WDR64: variants seen among roughly 807,000 people sequenced by gnomAD.
The protein encoded by WDR64 is WD repeat-containing protein 64.
In WDR64, 112 loss-of-function variants were observed where a neutral mutation model predicts 139.3. The observed-to-expected ratio is 0.80, with a 90% CI of 0.69 to 0.94. The LOEUF is 0.94. Ranked by LOEUF, WDR64 falls within the 40% of genes least tolerant of loss-of-function variation. The pLI is 0.00. For synonymous variants in WDR64, 444 were observed against 437.7 expected, an observed-to-expected ratio of 1.01 and a Z score of -0.18; for missense variants, 1,206 against 1,293.1, an observed-to-expected ratio of 0.93 and a Z score of 1.03.
chr1:241,775,118 A>G lies in WDR64; in HGVS notation c.2444A>G (p.Lys815Arg). The G allele has an allele frequency of 6.4e-7, 1 of 1,550,762 alleles. No individual in the cohort carries two copies. Among genetic ancestry groups the G allele is most frequent in the Non-Finnish European group, 8.7e-7 (1 of 1,146,754 alleles). The change falls in exon 21 of 28, where the codon AAA becomes AGA. Residue 815 changes from lysine to arginine, a missense_variant. Lys to Arg is a conservative substitution (Grantham distance 26). Coordinates refer to ENST00000437684, the MANE Select transcript of WDR64 (RefSeq NM_001367482.1). ...TACTTTATTTAGGGAAGACTACTGA[A>G]AGATATGCTACCTTTCACAAAACAT... ...RLWTLEGRLL[K>R]DMLPFTKHSA...
chr1:241,770,661 GA>G lies in WDR64; in HGVS notation c.2226del (p.Glu742AspfsTer28), dbSNP rs867587946. On this transcript the variant is annotated frameshift_variant, in exon 18 of 28. Coordinates refer to ENST00000437684, the MANE Select transcript of WDR64 (RefSeq NM_001367482.1). LOFTEE classifies it high-confidence loss of function. ...TTCCATATGTTCTTCATCCCAGTGT[GA>G]ATCCAGCAAAGGTCCACAGAGCAGT... ...QDSICSSSQC[E>X]SSKGPQSSKG... 14 of 1,551,306 alleles carry G rather than the reference GA, an allele frequency of 9.0e-6. No homozygotes were observed. Among genetic ancestry groups the G allele is most frequent in the Non-Finnish European group, 1.1e-5 (13 of 1,146,844 alleles).
intron 23 of WDR64, among the ~76,000 whole-genome samples, chr1:241,787,208 A>G (rs1470377094): frequency 3.3e-5 from 5 of 151,508 alleles, no homozygotes; most frequent in Non-Finnish European, 5.9e-5. Context: ...CAAAAAAAAA[A>G]AAAAAAGTAG....
chr1:241,734,671 T>G (rs182755426), intron 10 of WDR64, among the ~76,000 whole-genome samples: 51 of 152,068 alleles, frequency 3.4e-4, no homozygotes, highest in African/African-American at 1.2e-3. Context: ...TCAAATAGGC[T>G]GTGGTTCTTC....
chr1:241,688,233 T>A (rs755095543), intron 8 of WDR64, among the ~76,000 whole-genome samples: 25 of 152,160 alleles, frequency 1.6e-4, no homozygotes, highest in Non-Finnish European at 8.8e-5. Context: ...AAAGGGCACA[T>A]TTATAGACAC....
intron 2 of WDR64, among the ~76,000 whole-genome samples, chr1:241,663,164 C>T (rs1665896513): frequency 6.6e-6 from 1 of 152,120 alleles, no homozygotes; most frequent in Non-Finnish European, 1.5e-5. Context: ...TGGGATAACT[C>T]TATTGAAAAA....
intron 10 of WDR64, among the ~76,000 whole-genome samples, 162 bp downstream of exon 10, chr1:241,723,598 CTCTT>C (rs1352592879): frequency 6.6e-6 from 1 of 152,138 alleles, no homozygotes; most frequent in African/African-American, 2.4e-5. Flanking sequence ...CCAATGTTCT[CTCTT>C]TCTATTGATT....
At chr1:241,751,005 CTTT>C (rs1420501861) in intron 14 of WDR64, among the ~76,000 whole-genome samples, 2 of 151,956 alleles carry the variant, frequency 1.3e-5, no homozygotes, top group African/African-American at 2.4e-5. Flanking sequence ...CTATTATTTA[CTTT>C]ATTATTATAT....
At chr1:241,679,826 GA>G (rs1666707921) in intron 6 of WDR64, among the ~76,000 whole-genome samples, 2 of 152,298 alleles carry the variant, frequency 1.3e-5, no homozygotes, top group South Asian at 4.1e-4. Context: ...GTTTTTGAGA[GA>G]GGGGGTAATT....
intron 10 of WDR64, among the ~76,000 whole-genome samples, chr1:241,727,062 T>C (rs1668873429): frequency 6.6e-6 from 1 of 152,152 alleles, no homozygotes; most frequent in Admixed American, 6.5e-5. Flanking sequence ...CATTTTTGTA[T>C]TTTTAGTAGA....
chr1:241,731,737 C>G (rs1013668738), intron 10 of WDR64, among the ~76,000 whole-genome samples: 1 of 152,100 alleles, frequency 6.6e-6, no homozygotes, highest in Non-Finnish European at 1.5e-5. Flanking sequence ...TAAAGACATG[C>G]TGGATGTCTT....
At chr1:241,727,227 T>C (rs12755461) in intron 10 of WDR64, among the ~76,000 whole-genome samples, 37,230 of 152,034 alleles carry the variant, frequency 0.24, 4,721 homozygotes, top group East Asian at 0.28. Context: ...GGAAAGACAG[T>C]GAAGGTTTTG....
At chr1:241,749,299 G>C (rs1669890399) in intron 13 of WDR64, among the ~76,000 whole-genome samples, 1 of 152,176 alleles carries the variant, frequency 6.6e-6, no homozygotes, top group African/African-American at 2.4e-5. Context: ...GAGAGCCTGA[G>C]GGTAGATTTC....
Position 241,771,899 on chromosome 1 carries a change from T to C in WDR64, c.2290+202T>C, listed in dbSNP as rs1056423083. Among the ~76,000 whole-genome samples, 10 of 141,312 alleles carry C rather than the reference T, an allele frequency of 7.1e-5. No individual in the cohort carries two copies. The East Asian group carries it at 2.1e-3, about 30-fold the overall frequency. 92.7% of individuals were successfully genotyped at this position (141,312 alleles called of 152,430 possible). A position where few individuals can be genotyped will look rare whatever the true frequency, so the allele number is the denominator to read the frequency against. On this transcript the variant is annotated intron_variant, in intron 19 of 27. Transcript: ENST00000437684. ...ACCCACACACATATACATATATACA[T>C]ACATACACACATATACATATATACA...
At chr1:241,766,562 G>A (rs1197644090) in intron 16 of WDR64, among the ~76,000 whole-genome samples, 2 of 152,154 alleles carry the variant, frequency 1.3e-5, no homozygotes, top group African/African-American at 2.4e-5. Context: ...GTAGCAGGGC[G>A]CAGTGGCGCC....
chr1:241,770,365 G>A (rs1658381935), intron 17 of WDR64: 1 of 364,446 alleles, frequency 2.7e-6, no homozygotes, highest in East Asian at 4.7e-5. Flanking sequence ...TTTGCAGTGG[G>A]ATAGGCAAGA....
At chr1:241,773,228 T>C (rs1356487033) in intron 20 of WDR64, among the ~76,000 whole-genome samples, 4 of 152,162 alleles carry the variant, frequency 2.6e-5, no homozygotes, top group African/African-American at 7.2e-5. Context: ...CAGATACCCA[T>C]ACTGGGATAG....
intron 14 of WDR64, 57 bp downstream of exon 14, chr1:241,749,779 G>A (rs1420434269): frequency 6.4e-7 from 1 of 1,572,306 alleles, no homozygotes. Context: ...AAAATCAAAT[G>A]AGTCAGTGGA....
Position 241,703,840 on chromosome 1 carries a change from T to C in WDR64, c.975-7962T>C, listed in dbSNP as rs1667832863. ...AGGTGAAAGGGAAGCAAGGACCTTC[T>C]TCACATGATGGCAGGAGAGAGAAAA... On this transcript the variant is annotated intron_variant, in intron 8 of 27. Transcript: ENST00000437684. The surrounding 1 kb of genome is among the most constrained non-coding windows in gnomAD (Gnocchi z 5.9). 6.6e-6 allele frequency among the ~76,000 whole-genome samples: 1 copy of C among 152,118 alleles called. No individual in the cohort carries two copies. The highest frequency in any genetic ancestry group is 1.5e-5 in the Non-Finnish European group (1 of 68,018).
chr1:241,696,081 T>TCCAG (rs1435973312), intron 8 of WDR64, among the ~76,000 whole-genome samples: 1 of 113,954 alleles, frequency 8.8e-6, no homozygotes, highest in Non-Finnish European at 1.6e-5. Flanking sequence ...ACCACTGTAC[T>TCCAG]CCAGCCTGTG....
Sources: allele counts gnomAD v4.1 joint callset (sites outside exome capture counted in the v4.1 genomes callset), GRCh38; gene constraint gnomAD v4.1.1; non-coding constraint Gnocchi (gnomAD v3.1); transcripts MANE v1.5; gene names NCBI Gene and HGNC (gene_info 2026-07-23, HGNC 2026-07-21).